The following COX7B2 variants were observed in gnomAD, a reference collection of about 807,000 sequenced individuals.
COX7B2 encodes cytochrome c oxidase subunit 7B2.
For synonymous variants in COX7B2, 37 were observed against 32.1 expected, an observed-to-expected ratio of 1.15 and a Z score of -0.51; for missense variants, 109 against 95.9, an observed-to-expected ratio of 1.14 and a Z score of -0.57.
intron 1 of COX7B2, among the ~76,000 whole-genome samples, chr4:46,864,121 T>G (rs1222001470): frequency 6.6e-6 from 1 of 152,120 alleles, no homozygotes; most frequent in Non-Finnish European, 1.5e-5. Flanking sequence ...ACCAAGAGAC[T>G]TAGTCTTACT....
intron 2 of COX7B2, among the ~76,000 whole-genome samples, chr4:46,736,355 G>T (rs1033350839): frequency 6.6e-5 from 10 of 152,056 alleles, no homozygotes; most frequent in African/African-American, 2.2e-4. Flanking sequence ...TAGCAGGCAA[G>T]AAATGTAAAA....
At chr4:46,901,654 T>C (rs1304229009) in intron 1 of COX7B2, among the ~76,000 whole-genome samples, 1 of 152,216 alleles carries the variant, frequency 6.6e-6, no homozygotes, top group Admixed American at 6.5e-5. Flanking sequence ...GTAAACTGAG[T>C]AAAGCTGCAC....
intron 1 of COX7B2, among the ~76,000 whole-genome samples, chr4:46,867,941 G>T (rs1438841689): frequency 6.6e-6 from 1 of 152,168 alleles, no homozygotes; most frequent in Non-Finnish European, 1.5e-5. Context: ...AATAGTTTAT[G>T]TAGAAATGGT....
rs575948774 is a variant in COX7B2 at position 46,827,321 on chromosome 4, C to T, written c.-50+17639G>A. Among the ~76,000 whole-genome samples the T allele has an allele frequency of 1.8e-4, 28 of 151,816 alleles. 1 individual carries two copies. Among genetic ancestry groups the T allele is most frequent in the African/African-American group, 6.0e-4 (25 of 41,432 alleles). Reference sequence around the variant, plus strand: ...AAATCACAACCGAGAAACTCATAGTCGACTTATGAAAGCTACAGATAGAGA... The same window carrying T: ...AAATCACAACCGAGAAACTCATAGTTGACTTATGAAAGCTACAGATAGAGA... On this transcript the variant is annotated intron_variant, in intron 2 of 2. Coordinates refer to ENST00000355591, the MANE Select transcript of COX7B2 (RefSeq NM_130902.3).
At chr4:46,901,921 G>A (rs1004235150) in intron 1 of COX7B2, among the ~76,000 whole-genome samples, 8 of 152,194 alleles carry the variant, frequency 5.3e-5, no homozygotes, top group South Asian at 4.1e-4. Context: ...TAAGGAGTCC[G>A]TCTGAATAAC....
intron 2 of COX7B2, among the ~76,000 whole-genome samples, chr4:46,841,545 A>G (rs150115520): frequency 6.6e-6 from 1 of 151,906 alleles, no homozygotes; most frequent in Non-Finnish European, 1.5e-5. Flanking sequence ...TAATAATATG[A>G]ATACATACTC....
chr4:46,754,718 G>GTA lies in COX7B2; in HGVS notation c.-49-19478_-49-19477insTA, dbSNP rs1235318797. Reference sequence around the variant, plus strand: ...AATACGTGTGTGTGTGTGTGTGTGTGTGTGTGTGTGTATATATATATATAT... The same window carrying GTA: ...AATACGTGTGTGTGTGTGTGTGTGTGTATGTGTGTGTGTATATATATATATAT... On this transcript the variant is annotated intron_variant, in intron 2 of 2. Coordinates refer to ENST00000355591, the MANE Select transcript of COX7B2 (RefSeq NM_130902.3). 1.3e-3 allele frequency among the ~76,000 whole-genome samples: 44 copies of GTA among 35,074 alleles called. 2 individuals carry two copies. The highest frequency in any genetic ancestry group is 2.5e-3 in the East Asian group (2 of 812). The allele number at this position is 35,074 out of a possible 152,430, so 23.0% of individuals were successfully genotyped here. A position where few individuals can be genotyped will look rare whatever the true frequency, so the allele number is the denominator to read the frequency against.
At chr4:46,785,501 T>C (rs1165136228) in intron 2 of COX7B2, among the ~76,000 whole-genome samples, 1 of 151,842 alleles carries the variant, frequency 6.6e-6, no homozygotes, top group African/African-American at 2.4e-5. Context: ...GCCTCCCGAG[T>C]AGCTGGGACT....
chr4:46,827,846 C>T (rs977671313), intron 2 of COX7B2, among the ~76,000 whole-genome samples: 4 of 152,136 alleles, frequency 2.6e-5, no homozygotes, highest in African/African-American at 9.7e-5. Context: ...GTACAAATTA[C>T]ATGGTTCCAT....
At chr4:46,828,974 T>C (rs1054714364) in intron 2 of COX7B2, among the ~76,000 whole-genome samples, 2 of 152,168 alleles carry the variant, frequency 1.3e-5, no homozygotes, top group Non-Finnish European at 2.9e-5. Flanking sequence ...TTAATACTTT[T>C]GTAATGCTCA....
At chr4:46,746,373 T>C (rs911302736) in intron 2 of COX7B2, among the ~76,000 whole-genome samples, 2 of 152,206 alleles carry the variant, frequency 1.3e-5, no homozygotes, top group African/African-American at 4.8e-5. Context: ...ATTATAAAAG[T>C]GGCACAAAGA....
At chr4:46,859,297 T>A (rs960420893) in intron 1 of COX7B2, among the ~76,000 whole-genome samples, 1 of 152,272 alleles carries the variant, frequency 6.6e-6, no homozygotes, top group East Asian at 1.9e-4. Flanking sequence ...TTTCTCACAA[T>A]GTTGACTCAA....
intron 2 of COX7B2, among the ~76,000 whole-genome samples, chr4:46,738,831 G>C (rs752143927): frequency 6.6e-6 from 1 of 152,014 alleles, no homozygotes; most frequent in East Asian, 1.9e-4. Context: ...CAAAGTAAAA[G>C]TTCCCTCATG....
chr4:46,832,441 C>A (rs1390893490), intron 2 of COX7B2, among the ~76,000 whole-genome samples: 3 of 152,190 alleles, frequency 2.0e-5, no homozygotes, highest in Non-Finnish European at 4.4e-5. Context: ...TAATTTCAAG[C>A]AACATCAAGT....
At chr4:46,836,572 G>A (rs1252849631) in intron 2 of COX7B2, among the ~76,000 whole-genome samples, 2 of 151,436 alleles carry the variant, frequency 1.3e-5, no homozygotes, top group Non-Finnish European at 2.9e-5. Context: ...CCTGCCTGAG[G>A]CTGTTCTACA....
At chr4:46,908,502 C>G (rs890402397) in intron 1 of COX7B2, among the ~76,000 whole-genome samples, 1 of 152,176 alleles carries the variant, frequency 6.6e-6, no homozygotes, top group African/African-American at 2.4e-5. Context: ...AAAATTGCCA[C>G]TACAGCTGAA....
At chr4:46,747,493 G>A (rs1051071455) in intron 2 of COX7B2, among the ~76,000 whole-genome samples, 6 of 151,586 alleles carry the variant, frequency 4.0e-5, no homozygotes, top group African/African-American at 9.7e-5. Context: ...TAATAGAGAC[G>A]GGGTTTCACC....
chr4:46,851,651 T>C (rs1033353370), intron 1 of COX7B2, among the ~76,000 whole-genome samples: 10 of 152,110 alleles, frequency 6.6e-5, no homozygotes, highest in Admixed American at 3.9e-4. Flanking sequence ...AGCTGGTTTT[T>C]CTACTTAGTC....
chr4:46,866,300 G>A (rs1196421168), intron 1 of COX7B2, among the ~76,000 whole-genome samples: 1 of 152,178 alleles, frequency 6.6e-6, no homozygotes, highest in African/African-American at 2.4e-5. Flanking sequence ...CACCTTGGCA[G>A]CAGAGAACAG....
Sources: gnomAD v4.1 joint callset for allele counts (sites outside exome capture counted in the v4.1 genomes callset) on GRCh38, gnomAD v4.1.1 for gene constraint, MANE v1.5 for transcripts, NCBI Gene and HGNC (gene_info 2026-07-23, HGNC 2026-07-21) for gene names.